WDR45B: variants seen among roughly 807,000 people sequenced by gnomAD.
WDR45B encodes WD repeat domain phosphoinositide-interacting protein 3.
A neutral mutation model predicts 44.6 loss-of-function variants in WDR45B; 20 were observed. That is an observed-to-expected ratio of 0.45 (90% CI 0.32 to 0.65). The LOEUF is 0.65. Among genes scored for constraint, WDR45B ranks in the 30% least tolerant of loss-of-function variants. The pLI is 0.05. For missense variants in WDR45B, 323 were observed against 430.2 expected (o/e 0.75, Z 2.20); for synonymous variants, 169 against 164.9 (o/e 1.02, Z -0.19).
chr17:82,627,828 G>A (rs894829152), intron 3 of WDR45B, among the ~76,000 whole-genome samples: 26 of 152,228 alleles, frequency 1.7e-4, no homozygotes, highest in African/African-American at 5.5e-4. Flanking sequence ...GATTCCACCC[G>A]ACTGAGCCCA....
Position 82,617,296 on chromosome 17 carries a change from C to T in WDR45B, c.806G>A (p.Ser269Asn). 3.1e-6 allele frequency: 5 copies of T among 1,612,804 alleles called. No homozygotes were observed. The highest frequency in any genetic ancestry group is 4.2e-6 in the Non-Finnish European group (5 of 1,179,968). ...AEDPKRNKQSSLASASFLPKY... is the reference protein window; with the variant it reads ...AEDPKRNKQSNLASASFLPKY... ...CCCCAGCAGGCATCCTAACACCTAC[C>T]TGGACTGTTTATTCCTTTTTGGATC... The change falls in exon 8 of 10, where the codon AGT becomes AAT. Residue 269 changes from serine (S) to asparagine (N), a missense_variant and splice_region_variant. Physicochemically the swap from Ser to Asn is conservative, Grantham distance 46. Coordinates refer to ENST00000392325, the MANE Select transcript of WDR45B (RefSeq NM_019613.4).
chr17:82,625,552 C>G (rs768839206), intron 4 of WDR45B, 69 bp from the exon 5 acceptor site: 1 of 1,364,470 alleles, frequency 7.3e-7, no homozygotes, highest in Admixed American at 1.7e-5. Context: ...TGCTCCTGTT[C>G]TTATCATACT....
At chr17:82,625,996 C>A (rs931692871) in intron 4 of WDR45B, 9 of 185,364 alleles carry the variant, frequency 4.9e-5, no homozygotes, top group Non-Finnish European at 1.0e-4. Flanking sequence ...GATTCTCCTG[C>A]CTCAGCCTCC....
chr17:82,623,489 CAGG>C (rs2045648250), intron 5 of WDR45B, among the ~76,000 whole-genome samples: 1 of 151,354 alleles, frequency 6.6e-6, no homozygotes, highest in Non-Finnish European at 1.5e-5. Flanking sequence ...ATCACGAGGT[CAGG>C]AGATCAAGAC....
intron 5 of WDR45B, among the ~76,000 whole-genome samples, chr17:82,623,021 A>T (rs1029357081): frequency 2.0e-5 from 3 of 152,264 alleles, no homozygotes; most frequent in Admixed American, 1.3e-4. Flanking sequence ...CCAAATGTGT[A>T]GAAGAAAACA....
chr17:82,624,649 T>C (rs966652769), intron 5 of WDR45B, among the ~76,000 whole-genome samples: 2 of 148,882 alleles, frequency 1.3e-5, no homozygotes, highest in African/African-American at 5.0e-5. Flanking sequence ...GATAGAGTCT[T>C]GCTCTATCGC....
intron 2 of WDR45B, among the ~76,000 whole-genome samples, chr17:82,638,036 C>A (rs1381199235): frequency 6.7e-6 from 1 of 149,688 alleles, no homozygotes; most frequent in African/African-American, 2.5e-5. Context: ...AACAAAAAAA[C>A]GTAGCCAGGT....
At chr17:82,634,353 C>G (rs947318189) in intron 2 of WDR45B, among the ~76,000 whole-genome samples, 1 of 145,482 alleles carries the variant, frequency 6.9e-6, no homozygotes, top group Non-Finnish European at 1.5e-5. Flanking sequence ...CCAGGAGCGG[C>G]AGTGCACATC....
rs1000914745 is a variant in WDR45B at position 82,615,086 on chromosome 17, T to C, written c.*833A>G. ...CCGAAGTTAAAGGATGTTTTCCCCA[T>C]AACGAATGTTCAAAGTTCGTGCATC... On this transcript the variant is annotated 3_prime_UTR_variant, in exon 10 of 10. Transcript: ENST00000392325. The C allele has an allele frequency of 1.3e-5, 2 of 152,214 alleles. No individual in the cohort carries two copies. Among genetic ancestry groups the C allele is most frequent in the African/African-American group, 4.8e-5 (2 of 41,452 alleles). The allele number at this position is 152,214 out of a possible 1,614,324, so 9.4% of individuals were successfully genotyped here.
chr17:82,632,029 C>CTCACTGCAGTG, intron 2 of WDR45B, among the ~76,000 whole-genome samples: 1 of 151,222 alleles, frequency 6.6e-6, no homozygotes, highest in East Asian at 1.9e-4. Context: ...TGCAGTGAGC[C>CTCACTGCAGTG]GAGATCACAC....
chr17:82,625,388 C>G lies in WDR45B; in HGVS notation c.427+1G>C. On this transcript the variant is annotated splice_donor_variant, in intron 5 of 9. Coordinates refer to ENST00000392325, the MANE Select transcript of WDR45B (RefSeq NM_019613.4). LOFTEE classifies it high-confidence loss of function. The stretch of plus-strand genomic sequence containing the variant: ...CGCCACCCGTCTGCTCAATCTCTCA[C>G]CTTTGGGGTTATAGCAGGTTTCGAA... The G allele has an allele frequency of 5.0e-6, 8 of 1,614,072 alleles. No homozygotes were observed. The highest frequency in any genetic ancestry group is 6.8e-6 in the Non-Finnish European group (8 of 1,179,956).
intron 2 of WDR45B, among the ~76,000 whole-genome samples, chr17:82,642,389 C>A (rs1357353813): frequency 6.6e-6 from 1 of 152,320 alleles, no homozygotes; most frequent in East Asian, 1.9e-4. Flanking sequence ...CAGTTTCATC[C>A]CGAAACCATC....
At position 82,626,862 on chromosome 17, in the gene WDR45B, A is replaced by T. The variant is rs1352542279; in HGVS notation, c.332+342T>A. The T allele has an allele frequency of 1.5e-5, 5 of 331,298 alleles. No individual in the cohort carries two copies. In the East Asian group the frequency reaches 3.4e-4, roughly 23 times the overall value. The allele number at this position is 331,298 out of a possible 1,614,324, so 20.5% of individuals were successfully genotyped here. On this transcript the variant is annotated intron_variant, in intron 4 of 9. Transcript: ENST00000392325. ...CAGCATTTGGCAAAGCAGGGGCTAA[A>T]AGCCCAGGGTAATTCAAGGCTCAAA...
intron 4 of WDR45B, among the ~76,000 whole-genome samples, chr17:82,626,309 G>A (rs541941808): frequency 0.012 from 1,761 of 151,254 alleles, 26 homozygotes; most frequent in Non-Finnish European, 0.02. Context: ...AGGCTGAGGC[G>A]GGTGGATCAT....
chr17:82,634,282 G>A (rs1211528679), intron 2 of WDR45B, among the ~76,000 whole-genome samples: 2 of 151,398 alleles, frequency 1.3e-5, no homozygotes, highest in East Asian at 1.9e-4. Flanking sequence ...GAGGTCGGGC[G>A]ATCAAGACCA....
chr17:82,643,931 T>C lies in WDR45B; in HGVS notation c.142+18A>G, dbSNP rs1488283165. On this transcript the variant is annotated intron_variant, in intron 2 of 9. Coordinates refer to ENST00000392325, the MANE Select transcript of WDR45B (RefSeq NM_019613.4). The stretch of plus-strand genomic sequence containing the variant: ...GTTGGAAAGGGGAGAAACCAGAAAA[T>C]GTCCCGTTAATTCTTACCTTGTTTC... The C allele has an allele frequency of 5.0e-6, 8 of 1,612,494 alleles. No homozygotes were observed. Among genetic ancestry groups the C allele is most frequent in the South Asian group, 1.1e-5 (1 of 90,946 alleles).
At chr17:82,638,224 G>GGGAAA (rs1217871368) in intron 2 of WDR45B, among the ~76,000 whole-genome samples, 5 of 10,278 alleles carry the variant, frequency 4.9e-4, no homozygotes, top group African/African-American at 2.8e-3. Context: ...AGGGAGGGGA[G>GGGAAA]GGGAGAGGAG....
At position 82,615,607 on chromosome 17, in the gene WDR45B, G is replaced by C. The variant is rs1317123277; in HGVS notation, c.*312C>G. On this transcript the variant is annotated 3_prime_UTR_variant, in exon 10 of 10. Coordinates refer to ENST00000392325, the MANE Select transcript of WDR45B (RefSeq NM_019613.4). The stretch of plus-strand genomic sequence containing the variant: ...TCAGCCCAGTCCCCAGGTCCGTATG[G>C]AGCCCCCGTCAGTGTGAGGATGCGG... 4.6e-6 allele frequency: 2 copies of C among 436,572 alleles called. No homozygotes were observed. The allele number at this position is 436,572 out of a possible 1,614,324, so 27.0% of individuals were successfully genotyped here.
At chr17:82,643,758 C>T (rs1038677752) in intron 2 of WDR45B, among the ~76,000 whole-genome samples, 191 bp downstream of exon 2, 14 of 152,268 alleles carry the variant, frequency 9.2e-5, no homozygotes, top group Admixed American at 9.2e-4. Flanking sequence ...CTGCTCAACA[C>T]CTGTATCCCT....
Sources: allele counts gnomAD v4.1 joint callset (sites outside exome capture counted in the v4.1 genomes callset), GRCh38; gene constraint gnomAD v4.1.1; transcripts MANE v1.5; gene names NCBI Gene and HGNC (gene_info 2026-07-23, HGNC 2026-07-21).